STPG2: variants seen among roughly 807,000 people sequenced by gnomAD.
STPG2 encodes sperm tail PG-rich repeat containing 2.
Under a neutral mutation model 54.2 loss-of-function variants are expected in STPG2, and 56 were observed. The observed-to-expected ratio is 1.03, with a 90% CI of 0.83 to 1.29. The LOEUF (loss-of-function observed/expected upper bound fraction) is 1.29. Among genes scored for constraint, STPG2 ranks in the 50% most tolerant of loss-of-function variants. The pLI, the probability that STPG2 is intolerant of heterozygous loss-of-function variation, is 0.00. For missense variants in STPG2, 596 were observed against 544.9 expected, an observed-to-expected ratio of 1.09 and a Z score of -0.93; for synonymous variants, 200 against 181.8, an observed-to-expected ratio of 1.10 and a Z score of -0.81.
chr4:98,123,045 TC>T lies in STPG2; in HGVS notation c.387+5382del, dbSNP rs150770737. Reference sequence around the variant, plus strand: ...TTTCTGTGGGGTCAGTGATGAGATCTCCTTTATCATTTCTGATTGTGTCTAT... The same window carrying T: ...TTTCTGTGGGGTCAGTGATGAGATCTCTTTATCATTTCTGATTGTGTCTAT... On this transcript the variant is annotated intron_variant, in intron 3 of 10. Transcript: ENST00000295268. Among the ~76,000 whole-genome samples the T allele has an allele frequency of 3.8e-3, 572 of 152,220 alleles. 13 individuals are homozygous for T. The East Asian group carries it at 0.059, about 16-fold the overall frequency.
At chr4:97,765,257 T>C (rs1278057812) in intron 9 of STPG2, among the ~76,000 whole-genome samples, 3 of 152,154 alleles carry the variant, frequency 2.0e-5, no homozygotes, top group Admixed American at 6.5e-5. Flanking sequence ...ACACTCTTGG[T>C]GTACTGTTCA....
chr4:97,465,169 A>G (rs1729759354), intron 4 of STPG2, among the ~76,000 whole-genome samples: 1 of 152,120 alleles, frequency 6.6e-6, no homozygotes, highest in Admixed American at 6.6e-5. Context: ...AGCCTCCAGC[A>G]ATTTGTCAAA....
intron 7 of STPG2, among the ~76,000 whole-genome samples, chr4:97,971,851 G>A (rs372384953): frequency 4.8e-5 from 7 of 144,810 alleles, no homozygotes; most frequent in Non-Finnish European, 7.6e-5. Flanking sequence ...ATAGAATCCC[G>A]TATGTCACAC....
At chr4:97,900,053 T>A (rs1368489064) in intron 8 of STPG2, among the ~76,000 whole-genome samples, 1 of 152,088 alleles carries the variant, frequency 6.6e-6, no homozygotes, top group African/African-American at 2.4e-5. Flanking sequence ...CCAGTATCTA[T>A]AAGGAACTTA....
At chr4:97,773,011 G>T (rs1380189575) in intron 9 of STPG2, among the ~76,000 whole-genome samples, 2 of 152,050 alleles carry the variant, frequency 1.3e-5, no homozygotes, top group Non-Finnish European at 2.9e-5. Context: ...TTAAATTGTT[G>T]CTTACACAAC....
At chr4:98,139,041 T>TTA (rs1187592713) in intron 1 of STPG2, among the ~76,000 whole-genome samples, 1 of 152,160 alleles carries the variant, frequency 6.6e-6, no homozygotes, top group Non-Finnish European at 1.5e-5. Flanking sequence ...TTTACTTTAA[T>TTA]AAGAGATGTT....
intron 9 of STPG2, among the ~76,000 whole-genome samples, chr4:97,822,197 G>T (rs992047996): frequency 1.3e-5 from 2 of 152,180 alleles, no homozygotes; most frequent in Non-Finnish European, 2.9e-5. Context: ...TTGCTGCTTA[G>T]AAATTTTTTC....
chr4:97,775,262 T>C (rs1726340037), intron 9 of STPG2, among the ~76,000 whole-genome samples: 1 of 151,800 alleles, frequency 6.6e-6, no homozygotes, highest in Non-Finnish European at 1.5e-5. Flanking sequence ...GGGATGAAGG[T>C]GAAGAGAATA....
chr4:97,473,054 A>G (rs180798174), intron 4 of STPG2, among the ~76,000 whole-genome samples: 2 of 152,092 alleles, frequency 1.3e-5, no homozygotes, highest in Non-Finnish European at 2.9e-5. Context: ...CTTTACTTTA[A>G]TCTCTTAATC....
chr4:97,891,166 A>G (rs1264197642), intron 8 of STPG2, among the ~76,000 whole-genome samples: 2 of 152,134 alleles, frequency 1.3e-5, no homozygotes, highest in South Asian at 2.1e-4. Flanking sequence ...TTACTTTGCT[A>G]GAGTAACTTT....
At position 97,819,049 on chromosome 4, in the gene STPG2, G is replaced by C. The variant is rs1408354080; in HGVS notation, c.1204+21724C>G. ...TTGAGGTTGAAAATTAATAAAGTTA[G>C]TTCATGTTTAATAATAAAATTTCTA... On this transcript the variant is annotated intron_variant, in intron 9 of 10. Coordinates refer to ENST00000295268, the MANE Select transcript of STPG2 (RefSeq NM_174952.3). 1.1e-4 allele frequency among the ~76,000 whole-genome samples: 17 copies of C among 150,294 alleles called. No individual in the cohort carries two copies. In the Admixed American group the frequency reaches 1.1e-3, roughly 10 times the overall value.
At chr4:97,833,951 G>A (rs568677794) in intron 9 of STPG2, among the ~76,000 whole-genome samples, 89 of 152,210 alleles carry the variant, frequency 5.8e-4, no homozygotes, top group African/African-American at 1.9e-3. Flanking sequence ...ACAGTGTGGC[G>A]ATTACTCAAG....
At chr4:97,643,042 A>G (rs1295634882) in intron 10 of STPG2, among the ~76,000 whole-genome samples, 1 of 151,516 alleles carries the variant, frequency 6.6e-6, no homozygotes, top group African/African-American at 2.4e-5. Flanking sequence ...GTGATTATGT[A>G]TTTTTCCTTG....
At chr4:97,969,716 G>GA (rs906097187) in intron 7 of STPG2, among the ~76,000 whole-genome samples, 1 of 152,120 alleles carries the variant, frequency 6.6e-6, no homozygotes, top group Non-Finnish European at 1.5e-5. Context: ...TACTGAATGG[G>GA]AAAAAACTGG....
chr4:97,605,925 G>A (rs1733581310), intron 10 of STPG2, among the ~76,000 whole-genome samples: 1 of 151,716 alleles, frequency 6.6e-6, no homozygotes. Flanking sequence ...CTAGTTCAAA[G>A]CCATGGCAAT....
chr4:97,904,308 C>T (rs1731309714), intron 8 of STPG2, among the ~76,000 whole-genome samples: 1 of 152,186 alleles, frequency 6.6e-6, no homozygotes, highest in South Asian at 2.1e-4. Flanking sequence ...CCCCGAGCAG[C>T]CTAACTGGGA....
chr4:97,800,376 C>T (rs1727346076), intron 9 of STPG2, among the ~76,000 whole-genome samples: 1 of 152,194 alleles, frequency 6.6e-6, no homozygotes, highest in African/African-American at 2.4e-5. Context: ...GACATCCTTT[C>T]TGTTTGTTAG....
At chr4:97,643,189 T>G (rs1247406069) in intron 10 of STPG2, among the ~76,000 whole-genome samples, 1 of 151,634 alleles carries the variant, frequency 6.6e-6, no homozygotes, top group Admixed American at 6.6e-5. Context: ...AGTAGAAATT[T>G]TAATGGAAAA....
chr4:97,920,220 T>C (rs919835624), intron 8 of STPG2, among the ~76,000 whole-genome samples: 2 of 152,182 alleles, frequency 1.3e-5, no homozygotes, highest in Non-Finnish European at 2.9e-5. Flanking sequence ...CCAGAACTCA[T>C]AAGTCCAGCA....
Sources: gnomAD v4.1 joint callset for allele counts (sites outside exome capture counted in the v4.1 genomes callset) on GRCh38, gnomAD v4.1.1 for gene constraint, MANE v1.5 for transcripts, NCBI Gene and HGNC (gene_info 2026-07-23, HGNC 2026-07-21) for gene names.